ANKRD30B: variants seen among roughly 807,000 people sequenced by gnomAD.
The protein encoded by ANKRD30B is ankyrin repeat domain 30B.
Under a neutral mutation model 202.2 loss-of-function variants are expected in ANKRD30B, and 144 were observed. The observed-to-expected ratio is 0.71, with a 90% confidence interval of 0.62 to 0.82. The LOEUF is 0.82. Ranked by LOEUF, ANKRD30B falls within the 40% of genes least tolerant of loss-of-function variation. The pLI is 0.00. For synonymous variants in ANKRD30B, 508 were observed against 561.3 expected, an observed-to-expected ratio of 0.91 and a Z score of 1.34; for missense variants, 1,487 against 1,669.1, an observed-to-expected ratio of 0.89 and a Z score of 1.90.
chr18:14,765,044 T>G (rs1470846479), intron 7 of ANKRD30B, among the ~76,000 whole-genome samples: 7 of 152,212 alleles, frequency 4.6e-5, no homozygotes, highest in Non-Finnish European at 5.9e-5. Context: ...TAATGTTTTC[T>G]GCAGGGATTC....
Position 14,748,318 on chromosome 18 carries a change from G to A in ANKRD30B, c.-102G>A. ...TGAAGACGGGCGAGTGCGAGCCGGG[G>A]GCGGGTGCTGGGGAAGGGTAAGCGG... On this transcript the variant is annotated 5_prime_UTR_variant, in exon 1 of 44. Transcript: ENST00000690538. 2.0e-6 allele frequency: 2 copies of A among 981,696 alleles called. No individual in the cohort carries two copies. The highest frequency in any genetic ancestry group is 2.9e-6 in the Non-Finnish European group (2 of 699,318). 60.8% of individuals were successfully genotyped at this position (981,696 alleles called of 1,614,324 possible). A position where few individuals can be genotyped will look rare whatever the true frequency, so the allele number is the denominator to read the frequency against.
intron 30 of ANKRD30B, among the ~76,000 whole-genome samples, chr18:14,820,369 C>T (rs1044706024): frequency 6.6e-6 from 1 of 152,130 alleles, no homozygotes; most frequent in East Asian, 1.9e-4. Flanking sequence ...TCTCCTGCCT[C>T]ATTGCCCTGG....
chr18:14,862,932 C>T, the ANKRD30B span, among the ~76,000 whole-genome samples: 1 of 152,218 alleles, frequency 6.6e-6, no homozygotes, highest in Non-Finnish European at 1.5e-5. Flanking sequence ...AGGCCTGTTG[C>T]CCCTTTCTTT....
At chr18:14,762,918 C>A (rs1426126858) in intron 6 of ANKRD30B, among the ~76,000 whole-genome samples, 2 of 152,042 alleles carry the variant, frequency 1.3e-5, no homozygotes, top group African/African-American at 4.8e-5. Flanking sequence ...AGAGCTGTGC[C>A]TATTGAATTT....
At chr18:14,834,248 T>C (rs1239688845) in intron 34 of ANKRD30B, among the ~76,000 whole-genome samples, 2 of 152,130 alleles carry the variant, frequency 1.3e-5, no homozygotes, top group East Asian at 3.9e-4. Context: ...ATTTTAAAAT[T>C]TTAATTATTT....
chr18:14,810,499 G>T lies in ANKRD30B; in HGVS notation c.2488+319G>T, dbSNP rs545982745. The stretch of plus-strand genomic sequence containing the variant: ...TTGAAACTGTGAAATATTTTCAGTG[G>T]TTCAAATGCTGACTGGAATTCTGAT... On this transcript the variant is annotated intron_variant, in intron 28 of 43. Transcript: ENST00000690538. 2.8e-4 allele frequency among the ~76,000 whole-genome samples: 43 copies of T among 151,256 alleles called. 2 individuals carry two copies. Among genetic ancestry groups the T allele is most frequent in the Middle Eastern group, 3.4e-3 (1 of 292 alleles).
chr18:14,805,261 G>C (rs1180211293), intron 24 of ANKRD30B, among the ~76,000 whole-genome samples: 1 of 150,790 alleles, frequency 6.6e-6, no homozygotes, highest in Non-Finnish European at 1.5e-5. Context: ...TTTATGACTT[G>C]AATACTTAAA....
At chr18:14,843,553 C>CTCTG (rs1555671826) in intron 39 of ANKRD30B, among the ~76,000 whole-genome samples, 2 of 145,270 alleles carry the variant, frequency 1.4e-5, no homozygotes, top group South Asian at 2.3e-4. Flanking sequence ...AGCTTACTTT[C>CTCTG]TGTGTGTGTG....
the ANKRD30B span, among the ~76,000 whole-genome samples, chr18:14,895,583 A>G: frequency 6.6e-5 from 10 of 152,242 alleles, no homozygotes; most frequent in Non-Finnish European, 1.2e-4. Context: ...GACTATTTAT[A>G]GAAGCTTTAT....
chr18:14,818,162 A>G (rs572228775), intron 30 of ANKRD30B, among the ~76,000 whole-genome samples: 1 of 152,294 alleles, frequency 6.6e-6, no homozygotes, highest in African/African-American at 2.4e-5. Context: ...CTTGAAGCTA[A>G]GTTTTTTATA....
the ANKRD30B span, among the ~76,000 whole-genome samples, chr18:14,917,818 A>G: frequency 6.6e-6 from 1 of 152,246 alleles, no homozygotes; most frequent in Non-Finnish European, 1.5e-5. Context: ...GATCCTGTTT[A>G]GGAACTCCTG....
In ANKRD30B at chr18:14,817,468, AG is replaced by A. The variant is rs1970175647; in HGVS notation, c.2641+2758del. 4.6e-5 allele frequency among the ~76,000 whole-genome samples: 7 copies of A among 152,216 alleles called. No homozygotes were observed. The South Asian group carries it at 1.4e-3, about 31-fold the overall frequency. Reference sequence around the variant, plus strand: ...GGTAATCAGATCACAATTTAGAACCAGAGTTTTCAACCATACATAGGATTCC... The same window carrying A: ...GGTAATCAGATCACAATTTAGAACCAAGTTTTCAACCATACATAGGATTCC... On this transcript the variant is annotated intron_variant, in intron 30 of 43. Transcript: ENST00000690538.
intron 15 of ANKRD30B, among the ~76,000 whole-genome samples, chr18:14,787,465 C>G (rs892506400): frequency 6.6e-6 from 1 of 152,108 alleles, no homozygotes; most frequent in African/African-American, 2.4e-5. Context: ...TACAAAAGTT[C>G]TAACTGGATT....
intron 33 of ANKRD30B, 83 bp downstream of exon 33, chr18:14,828,391 C>T (rs1970753425): frequency 9.9e-7 from 1 of 1,008,806 alleles, no homozygotes; most frequent in African/African-American, 1.7e-5. Flanking sequence ...GAGTATTCTA[C>T]TCTGGGCTAG....
rs1914437327 is a variant in ANKRD30B at position 14,756,784 on chromosome 18, CAG to C, written c.618-1030_618-1029del. ...GCGCATGCCTGTAGTCCCAGCTACT[CAG>C]GGGACTGAGGCACGAGAATCGCTTG... On this transcript the variant is annotated intron_variant, in intron 4 of 43. Coordinates refer to ENST00000690538, the MANE Select transcript of ANKRD30B (RefSeq NM_001367607.2). 3.9e-5 allele frequency among the ~76,000 whole-genome samples: 6 copies of C among 152,130 alleles called. No homozygotes were observed. In the South Asian group the frequency reaches 1.2e-3, roughly 32 times the overall value.
the ANKRD30B span, among the ~76,000 whole-genome samples, chr18:14,879,952 T>G: frequency 3.9e-5 from 6 of 152,158 alleles, no homozygotes; most frequent in Non-Finnish European, 7.4e-5. Context: ...ATGAAATCCT[T>G]GCCTATACCA....
chr18:14,793,262 C>T (rs1968645275), intron 16 of ANKRD30B, among the ~76,000 whole-genome samples: 1 of 152,064 alleles, frequency 6.6e-6, no homozygotes. Flanking sequence ...GATGTCAAAT[C>T]TACATTCAGC....
chr18:14,829,384 TGTAA>T (rs1568055555), intron 33 of ANKRD30B, among the ~76,000 whole-genome samples: 1 of 152,140 alleles, frequency 6.6e-6, no homozygotes, highest in Admixed American at 6.6e-5. Flanking sequence ...TATATCATCA[TGTAA>T]GTGAGTGTTT....
rs1047689389 is a variant in ANKRD30B, at chr18:14,795,682, C to T, written c.1826-539C>T. Among the ~76,000 whole-genome samples, 121 of 152,250 alleles carry T rather than the reference C, an allele frequency of 7.9e-4. 1 individual carries two copies. The highest frequency in any genetic ancestry group is 3.4e-3 in the Middle Eastern group (1 of 294). On this transcript the variant is annotated intron_variant, in intron 16 of 43. Coordinates refer to ENST00000690538, the MANE Select transcript of ANKRD30B (RefSeq NM_001367607.2). ...ATTTATGCTGATAAATTTAGAACAT[C>T]CTCTGCAATGATAAGTAAATTGTAC...
Sources: allele counts gnomAD v4.1 joint callset (sites outside exome capture counted in the v4.1 genomes callset), GRCh38; gene constraint gnomAD v4.1.1; transcripts MANE v1.5; gene names NCBI Gene and HGNC (gene_info 2026-07-23, HGNC 2026-07-21).